Variants in SBF2 observed in about 807,000 individuals in gnomAD.
SBF2 encodes SET binding factor 2.
Under a neutral mutation model 225.2 loss-of-function variants are expected in SBF2, and 112 were observed. The ratio of observed to expected loss-of-function variants is 0.50; its 90% CI spans 0.43 to 0.58. The LOEUF (loss-of-function observed/expected upper bound fraction) is 0.58. Ranked by LOEUF, SBF2 falls within the 20% of genes least tolerant of loss-of-function variation. SBF2 has a pLI of 0.00. For missense variants in SBF2, 1,996 were observed against 2,206.2 expected (o/e 0.90, Z 1.91); for synonymous variants, 763 against 773.3 (o/e 0.99, Z 0.22).
At chr11:9,873,466 T>C (rs1858955121) in intron 17 of SBF2, among the ~76,000 whole-genome samples, 1 of 152,100 alleles carries the variant, frequency 6.6e-6, no homozygotes, top group Non-Finnish European at 1.5e-5. Flanking sequence ...TAATATGTAT[T>C]TAGTAAACAG....
chr11:9,830,924 A>T (rs1173315117), intron 27 of SBF2, among the ~76,000 whole-genome samples: 1 of 152,190 alleles, frequency 6.6e-6, no homozygotes, highest in African/African-American at 2.4e-5. Context: ...AAGCTTAGTG[A>T]TACGCTTATC....
intron 33 of SBF2, 126 bp downstream of exon 33, chr11:9,795,705 A>G: frequency 8.3e-7 from 1 of 1,204,782 alleles, no homozygotes. Flanking sequence ...ACTCCTCTAC[A>G]TTCATAGTTC....
chr11:10,245,608 T>A (rs995340392), intron 1 of SBF2, among the ~76,000 whole-genome samples: 3 of 152,026 alleles, frequency 2.0e-5, no homozygotes, highest in Admixed American at 1.3e-4. Flanking sequence ...AAATTAAAAA[T>A]AGAACAACCA....
rs111385708 is a variant in SBF2 at position 9,815,161 on chromosome 11, C to T, written c.3978+1679G>A. ...ATTTTTAAAAATAATAATACTTGTCCGGGTGTAGTGGCTCACGCCTGTAAT... is the reference window on the plus strand; with the variant it reads ...ATTTTTAAAAATAATAATACTTGTCTGGGTGTAGTGGCTCACGCCTGTAAT... On this transcript the variant is annotated intron_variant, in intron 29 of 39. Coordinates refer to ENST00000256190, the MANE Select transcript of SBF2 (RefSeq NM_030962.4). Among the ~76,000 whole-genome samples, 1,017 of 151,756 alleles carry T rather than the reference C, an allele frequency of 6.7e-3. 13 individuals are homozygous for T. Among genetic ancestry groups the T allele is most frequent in the African/African-American group, 0.021 (870 of 41,384 alleles).
intron 2 of SBF2, among the ~76,000 whole-genome samples, chr11:10,081,737 C>G (rs1458750594): frequency 4.7e-5 from 7 of 148,562 alleles, no homozygotes; most frequent in African/African-American, 1.7e-4. Context: ...TCCAGCCTGA[C>G]CCACAGAGCA....
chr11:10,289,682 C>A (rs1964038972), intron 1 of SBF2, among the ~76,000 whole-genome samples: 1 of 152,130 alleles, frequency 6.6e-6, no homozygotes, highest in South Asian at 2.1e-4. Flanking sequence ...CAGAGCCTAC[C>A]CCTGAGGCAC....
chr11:10,063,960 G>A (rs1051843870), intron 2 of SBF2, among the ~76,000 whole-genome samples: 1 of 151,914 alleles, frequency 6.6e-6, no homozygotes, highest in Non-Finnish European at 1.5e-5. Context: ...AGGCGTCGGG[G>A]GGAGCAAAAA....
At chr11:10,247,771 C>A (rs1235949561) in intron 1 of SBF2, among the ~76,000 whole-genome samples, 2 of 152,136 alleles carry the variant, frequency 1.3e-5, no homozygotes, top group Non-Finnish European at 2.9e-5. Flanking sequence ...AAGCCTACAA[C>A]AATCATCCTC....
chr11:9,827,856 C>A (rs796557782), intron 28 of SBF2, among the ~76,000 whole-genome samples: 7 of 152,288 alleles, frequency 4.6e-5, no homozygotes, highest in African/African-American at 1.7e-4. Flanking sequence ...ACTCCCAGGG[C>A]TGACTCATCA....
At chr11:10,071,224 T>A (rs571637022) in intron 2 of SBF2, among the ~76,000 whole-genome samples, 1 of 151,724 alleles carries the variant, frequency 6.6e-6, no homozygotes, top group South Asian at 2.1e-4. Context: ...AGAGAGGGCA[T>A]CCTTGTCTTG....
chr11:10,159,665 G>A (rs549610218), intron 2 of SBF2, among the ~76,000 whole-genome samples: 3 of 152,290 alleles, frequency 2.0e-5, no homozygotes, highest in Non-Finnish European at 4.4e-5. Flanking sequence ...CACTTTGGGA[G>A]GCCAAGGCAG....
chr11:10,177,690 A>T (rs1480085181), intron 2 of SBF2, among the ~76,000 whole-genome samples: 1 of 152,042 alleles, frequency 6.6e-6, no homozygotes, highest in Non-Finnish European at 1.5e-5. Flanking sequence ...AGGAAATAAA[A>T]GAGGATACAA....
At chr11:9,800,146 A>C (rs1853399904) in intron 32 of SBF2, among the ~76,000 whole-genome samples, 1 of 152,072 alleles carries the variant, frequency 6.6e-6, no homozygotes, top group Non-Finnish European at 1.5e-5. Flanking sequence ...GCTGAGGCGA[A>C]AGGATTGCTT....
chr11:10,022,360 A>G (rs779703881), intron 6 of SBF2, among the ~76,000 whole-genome samples: 15 of 152,228 alleles, frequency 9.9e-5, no homozygotes, highest in Non-Finnish European at 1.8e-4. Context: ...TGAGAAGGAT[A>G]AAATCTGTAT....
chr11:10,065,921 T>C (rs1373270314), intron 2 of SBF2, among the ~76,000 whole-genome samples: 1 of 152,138 alleles, frequency 6.6e-6, no homozygotes, highest in Non-Finnish European at 1.5e-5. Flanking sequence ...CACTCCAGCC[T>C]GGGCAAGAAG....
Position 9,839,839 on chromosome 11 carries a change from T to C in SBF2, c.3257-143A>G, listed in dbSNP as rs1291868057. On this transcript the variant is annotated intron_variant, in intron 25 of 39. Coordinates refer to ENST00000256190, the MANE Select transcript of SBF2 (RefSeq NM_030962.4). ...CAAAGAAATGATTAGCTCAAAGCAATTGAGGCCTTCAGGGTAGTACCTGTG... is the reference window on the plus strand; with the variant it reads ...CAAAGAAATGATTAGCTCAAAGCAACTGAGGCCTTCAGGGTAGTACCTGTG... 2.8e-5 allele frequency: 27 copies of C among 972,282 alleles called. No individual in the cohort carries two copies. In the Middle Eastern group the frequency reaches 9.2e-4, roughly 33 times the overall value. The allele number at this position is 972,282 out of a possible 1,614,324, so 60.2% of individuals were successfully genotyped here. A position where few individuals can be genotyped will look rare whatever the true frequency, so the allele number is the denominator to read the frequency against.
chr11:9,973,885 G>A (rs1300820759), intron 13 of SBF2, among the ~76,000 whole-genome samples: 4 of 152,164 alleles, frequency 2.6e-5, no homozygotes, highest in Admixed American at 6.5e-5. Context: ...AAATCAATAT[G>A]ATATTGTTAG....
At chr11:10,157,982 G>C (rs189342328) in intron 2 of SBF2, among the ~76,000 whole-genome samples, 73 of 152,224 alleles carry the variant, frequency 4.8e-4, no homozygotes, top group Non-Finnish European at 7.5e-4. Context: ...TGAAATCATA[G>C]CAAGAATATT....
In SBF2 at chr11:9,799,820, A is replaced by G. The variant is rs78882611; in HGVS notation, c.4444-3863T>C. 6.5e-3 allele frequency among the ~76,000 whole-genome samples: 994 copies of G among 152,300 alleles called. 11 individuals carry two copies. The highest frequency in any genetic ancestry group is 0.023 in the African/African-American group (946 of 41,566). Reference sequence around the variant, plus strand: ...TCACTGGCTTCTTTTCCTCTTTGCAAATGGAACTCACCTAGACTCTTGTGA... The same window carrying G: ...TCACTGGCTTCTTTTCCTCTTTGCAGATGGAACTCACCTAGACTCTTGTGA... On this transcript the variant is annotated intron_variant, in intron 32 of 39. Coordinates refer to ENST00000256190, the MANE Select transcript of SBF2 (RefSeq NM_030962.4).
Sources: gnomAD v4.1 joint callset for allele counts (sites outside exome capture counted in the v4.1 genomes callset) on GRCh38, gnomAD v4.1.1 for gene constraint, MANE v1.5 for transcripts, NCBI Gene and HGNC (gene_info 2026-07-23, HGNC 2026-07-21) for gene names.